The following BIN3 variants were observed in gnomAD, a reference collection of about 807,000 sequenced individuals.
The protein encoded by BIN3 is bridging integrator 3.
Under a neutral mutation model 38.2 loss-of-function variants are expected in BIN3, and 41 were observed. The ratio of observed to expected loss-of-function variants is 1.07; its 90% confidence interval spans 0.84 to 1.39. The LOEUF (loss-of-function observed/expected upper bound fraction) is 1.39, where lower values mean the gene tolerates loss of function less well. Ranked by LOEUF, BIN3 falls within the 40% of genes most tolerant of loss-of-function variation. The probability of loss-of-function intolerance (pLI) is 0.00; values close to 1 mark genes in which losing one functional copy is unlikely to be tolerated. For missense variants in BIN3, 361 were observed against 324.3 expected (o/e 1.11, Z -0.87); for synonymous variants, 145 against 122.6 (o/e 1.18, Z -1.21).
chr8:22,660,949 A>G (rs541459016), intron 1 of BIN3, among the ~76,000 whole-genome samples: 16 of 152,222 alleles, frequency 1.1e-4, no homozygotes, highest in Admixed American at 9.8e-4. Context: ...CAGTGGTGTG[A>G]TCATAGCTCG....
rs562115464 is a variant in BIN3, at chr8:22,641,611, G to A, written c.57+3144C>T. Among the ~76,000 whole-genome samples the A allele has an allele frequency of 4.8e-4, 73 of 152,270 alleles. No homozygotes were observed. The Middle Eastern group carries it at 0.024, about 50-fold the overall frequency. Reference sequence around the variant, plus strand: ...TGCGTGGAAAGTGGGCTCCCTGTAGGTATGTTCTAGCAGGATTAAGCAGGA... The same window carrying A: ...TGCGTGGAAAGTGGGCTCCCTGTAGATATGTTCTAGCAGGATTAAGCAGGA... On this transcript the variant is annotated intron_variant, in intron 2 of 8. Transcript: ENST00000276416.
At chr8:22,630,970 C>T (rs2117518558) in intron 4 of BIN3, among the ~76,000 whole-genome samples, 1 of 152,296 alleles carries the variant, frequency 6.6e-6, no homozygotes, top group East Asian at 1.9e-4. Flanking sequence ...TTTGGGACTC[C>T]TGGATGGACA....
intron 4 of BIN3, among the ~76,000 whole-genome samples, chr8:22,632,812 G>C (rs1802248972): frequency 6.7e-6 from 1 of 150,216 alleles, no homozygotes; most frequent in African/African-American, 2.4e-5. Context: ...GGCTTCAAGT[G>C]ATTCTCCTGC....
intron 2 of BIN3, among the ~76,000 whole-genome samples, chr8:22,641,505 A>C (rs1585190938): frequency 6.6e-6 from 1 of 152,336 alleles, no homozygotes; most frequent in East Asian, 1.9e-4. Flanking sequence ...CACTGATCCC[A>C]GGGCTGAGGT....
At chr8:22,626,640 C>T (rs111680861) in intron 6 of BIN3, 448 of 144,318 alleles carry the variant, frequency 3.1e-3, no homozygotes, top group Non-Finnish European at 5.6e-3. Flanking sequence ...AAGGATGAGG[C>T]AGGCAGGAGG....
intron 1 of BIN3, among the ~76,000 whole-genome samples, chr8:22,648,894 C>CGTATGTATGTATGTATGTATGTATGTAT: frequency 6.8e-6 from 1 of 147,902 alleles, no homozygotes; most frequent in South Asian, 2.2e-4. Flanking sequence ...TCCACATCAA[C>CGTATGTATGTATGTATGTATGTATGTAT]GTATGTATGT....
chr8:22,624,227 G>A lies in BIN3; in HGVS notation c.475C>T (p.His159Tyr), dbSNP rs373662763. The A allele has an allele frequency of 2.5e-6, 4 of 1,613,282 alleles. No homozygotes were observed. In the African/African-American group the frequency reaches 4.0e-5, roughly 16 times the overall value. Residue 159 changes from histidine (H) to tyrosine (Y), a missense_variant, in exon 7 of 9, where the codon CAC (histidine) becomes TAC (tyrosine). Physicochemically the swap from His to Tyr is moderately conservative, Grantham distance 83. Transcript: ENST00000276416. ...EKTGPVLAKL[H>Y]QAREELRPVR... ...CCACCTGTCTCCCCTGGTACCTGGT[G>A]GAGCTTGGCCAGCACTGGCCCCGTC...
Position 22,638,469 on chromosome 8 carries a change from A to G in BIN3, c.58-1507T>C, listed in dbSNP as rs76537319. 2.5e-3 allele frequency among the ~76,000 whole-genome samples: 387 copies of G among 152,288 alleles called. 2 individuals are homozygous for G. Among genetic ancestry groups the G allele is most frequent in the Non-Finnish European group, 3.7e-3 (253 of 68,018 alleles). ...CTACGAACATGTATGAGCACCTATT[A>G]AGTGCGATGCATTCTGCCAGGTTCT... On this transcript the variant is annotated intron_variant, in intron 2 of 8. Transcript: ENST00000276416.
chr8:22,653,241 A>G (rs1458835384), intron 1 of BIN3, among the ~76,000 whole-genome samples: 1 of 152,332 alleles, frequency 6.6e-6, no homozygotes, highest in Middle Eastern at 3.4e-3. Context: ...TAAATGTTTT[A>G]TCAGTGTGTT....
chr8:22,621,998 A>G (rs893669355), intron 8 of BIN3, among the ~76,000 whole-genome samples: 7 of 152,246 alleles, frequency 4.6e-5, no homozygotes, highest in Non-Finnish European at 1.0e-4. Context: ...CACAGGCAAG[A>G]AAGGGGATGC....
chr8:22,623,856 C>T, intron 8 of BIN3, 59 bp downstream of exon 8: 1 of 1,568,114 alleles, frequency 6.4e-7, no homozygotes, highest in South Asian at 1.2e-5. Context: ...GTGTGGGTGA[C>T]AGGGAGTGGC....
At chr8:22,625,540 C>T (rs1801976415) in intron 6 of BIN3, 1 of 649,528 alleles carries the variant, frequency 1.5e-6, no homozygotes. Flanking sequence ...TCCAGGAGCT[C>T]AGCTACCACA....
chr8:22,630,575 A>G lies in BIN3; in HGVS notation c.164T>C (p.Met55Thr), dbSNP rs1216969908. 1 of 1,613,912 alleles carries G rather than the reference A, an allele frequency of 6.2e-7. No homozygotes were observed. The highest frequency in any genetic ancestry group is 8.5e-7 in the Non-Finnish European group (1 of 1,179,824). The change falls in exon 5 of 9, where the codon ATG (methionine) becomes ACG (threonine). Residue 55 changes from methionine to threonine, a missense_variant. Coordinates refer to ENST00000276416, the MANE Select transcript of BIN3 (RefSeq NM_018688.6). ...MKKSTDADLA[M>T]SKSAVKISLD... is the part of the protein sequence containing the mutation. The stretch of plus-strand genomic sequence containing the variant: ...GGATATCTTCACGGCAGATTTTGAC[A>G]TGGCTGTGGGAAGCCAAAGCTCGGT...
intron 1 of BIN3, among the ~76,000 whole-genome samples, chr8:22,664,956 T>A (rs1262556450): frequency 6.6e-6 from 1 of 152,244 alleles, no homozygotes. Flanking sequence ...ATTTAACAAT[T>A]ACCTGTTAGA....
At position 22,621,437 on chromosome 8, in the gene BIN3, A is replaced by C. The variant is rs1287370099; in HGVS notation, c.747T>G (p.Ile249Met). The change falls in exon 9 of 9, where the codon ATT becomes ATG. Residue 249 changes from isoleucine (I) to methionine (M), a missense_variant. By Grantham distance (10) the Ile-to-Met change is conservative. Coordinates refer to ENST00000276416, the MANE Select transcript of BIN3 (RefSeq NM_018688.6). ...AKLSELRALS[I>M]VADD ...TGACGGGGATTCAGTCATCGGCCAC[A>C]ATGGAGAGGGCCCGGAGCTCACTGA... The C allele has an allele frequency of 6.2e-7, 1 of 1,613,480 alleles. No individual in the cohort carries two copies. Among genetic ancestry groups the C allele is most frequent in the East Asian group, 2.2e-5 (1 of 44,866 alleles).
rs4872528 is a variant in BIN3 at position 22,640,915 on chromosome 8, A to G, written c.57+3840T>C. On this transcript the variant is annotated intron_variant, in intron 2 of 8. Coordinates refer to ENST00000276416, the MANE Select transcript of BIN3 (RefSeq NM_018688.6). ...TTTCTACTTGGTGCCGCTCAAGGCC[A>G]TCTGACAGCCTGAGAGGAGTTTGGA... 6.7e-4 allele frequency among the ~76,000 whole-genome samples: 102 copies of G among 152,280 alleles called. No individual in the cohort carries two copies. The East Asian group carries it at 0.019, about 29-fold the overall frequency.
chr8:22,621,573 G>A lies in BIN3; in HGVS notation c.616-5C>T. The A allele has an allele frequency of 1.2e-6, 2 of 1,613,370 alleles. No individual in the cohort carries two copies. The highest frequency in any genetic ancestry group is 1.7e-6 in the Non-Finnish European group (2 of 1,179,784). ...CATTTCCGAGTAGTACACAACCTGGGGGAGGCGACAGGGGTTGGCACGTGC... is the reference window on the plus strand; with the variant it reads ...CATTTCCGAGTAGTACACAACCTGGAGGAGGCGACAGGGGTTGGCACGTGC... On this transcript the variant is annotated splice_region_variant and splice_polypyrimidine_tract_variant and intron_variant, in intron 8 of 8. Coordinates refer to ENST00000276416, the MANE Select transcript of BIN3 (RefSeq NM_018688.6).
At chr8:22,645,298 CAA>C (rs113918512) in intron 1 of BIN3, among the ~76,000 whole-genome samples, 1 of 144,356 alleles carries the variant, frequency 6.9e-6, no homozygotes, top group African/African-American at 2.5e-5. Flanking sequence ...GATCCTATCT[CAA>C]AAAAAAAAAC....
intron 2 of BIN3, among the ~76,000 whole-genome samples, chr8:22,639,447 G>A (rs959774310): frequency 1.9e-4 from 29 of 152,150 alleles, no homozygotes; most frequent in Admixed American, 9.2e-4. Context: ...GCCTAGGCTT[G>A]TCTTGAGCTC....
Sources: allele counts gnomAD v4.1 joint callset (sites outside exome capture counted in the v4.1 genomes callset), GRCh38; gene constraint gnomAD v4.1.1; transcripts MANE v1.5; gene names NCBI Gene and HGNC (gene_info 2026-07-23, HGNC 2026-07-21).